Variants in TEX14 observed in about 807,000 individuals in gnomAD.
TEX14 encodes testis expressed 14, intercellular bridge forming factor.
Under a neutral mutation model 178.6 loss-of-function variants are expected in TEX14, and 168 were observed. The observed-to-expected ratio is 0.94, with a 90% CI of 0.83 to 1.07. TEX14 has a LOEUF of 1.07. Ranked by LOEUF, TEX14 falls within the 50% of genes least tolerant of loss-of-function variation. The pLI is 0.00. For missense variants in TEX14, 1,730 were observed against 1,753.6 expected, an observed-to-expected ratio of 0.99 and a Z score of 0.24; for synonymous variants, 626 against 634.1, an observed-to-expected ratio of 0.99 and a Z score of 0.19.
intron 8 of TEX14, 92 bp from the exon 9 acceptor site, chr17:58,613,636 T>G: frequency 1.5e-6 from 2 of 1,302,944 alleles, no homozygotes; most frequent in Non-Finnish European, 2.2e-6. Flanking sequence ...TCTAAACAAA[T>G]ACCATTTGTA....
At position 58,579,691 on chromosome 17, in the gene TEX14, C is replaced by G. The variant is rs1169092764; in HGVS notation, c.3212G>C (p.Gly1071Ala). 1.9e-6 allele frequency: 3 copies of G among 1,613,826 alleles called. No homozygotes were observed. Among genetic ancestry groups the G allele is most frequent in the Non-Finnish European group, 2.5e-6 (3 of 1,179,958 alleles). The change falls in exon 20 of 32, where the codon GGT (glycine) becomes GCT (alanine). Residue 1071 changes from glycine to alanine, a missense_variant. This residue lies in a region of TEX14 where 941 missense variants were observed against 1,072.4 expected (regional missense o/e 0.88). Coordinates refer to ENST00000349033, the MANE Select transcript of TEX14 (RefSeq NM_031272.5). ...PIEEDFEGIQ[G>A]AFAQPQVSGE... ...AGAGACTTGAGGTTGGGCAAATGCA[C>G]CTTGTATTCCTTCAAAGTCCTCTTC...
chr17:58,581,785 C>G, intron 19 of TEX14: 1 of 1,587,836 alleles, frequency 6.3e-7, no homozygotes, highest in Non-Finnish European at 8.5e-7. Context: ...AACGAAATCC[C>G]TTTATAGTTG....
intron 10 of TEX14, among the ~76,000 whole-genome samples, chr17:58,610,508 A>G (rs1172215440): frequency 6.6e-6 from 1 of 152,204 alleles, no homozygotes; most frequent in East Asian, 1.9e-4. Context: ...GAAGCTACAG[A>G]TTGGAGTGAC....
At chr17:58,666,230 C>T (rs1356527408) in intron 1 of TEX14, among the ~76,000 whole-genome samples, 1 of 151,694 alleles carries the variant, frequency 6.6e-6, no homozygotes, top group Non-Finnish European at 1.5e-5. Flanking sequence ...GTAATGTAAT[C>T]CCAGTTTCTA....
intron 2 of TEX14, among the ~76,000 whole-genome samples, chr17:58,638,704 A>G (rs2046497533): frequency 6.6e-6 from 1 of 151,468 alleles, no homozygotes; most frequent in Non-Finnish European, 1.5e-5. Flanking sequence ...ACGCCTGCCT[A>G]ATTTTTTGTA....
At chr17:58,615,149 T>A in intron 8 of TEX14, 83 bp downstream of exon 8, 2 of 738,104 alleles carry the variant, frequency 2.7e-6, no homozygotes, top group Non-Finnish European at 4.7e-6. Context: ...GAGCTCCCTA[T>A]CCCAGGCACA....
At chr17:58,603,593 G>A (rs1019166698) in intron 11 of TEX14, among the ~76,000 whole-genome samples, 35 of 144,496 alleles carry the variant, frequency 2.4e-4, no homozygotes, top group Non-Finnish European at 3.6e-4. Flanking sequence ...GTTGGCTCAC[G>A]CCTGTAATCC....
intron 1 of TEX14, chr17:58,661,505 G>A: frequency 1.3e-6 from 1 of 780,786 alleles, no homozygotes; most frequent in East Asian, 2.4e-5. Context: ...GGTGGGTTCA[G>A]TCGCTCCTTC....
chr17:58,602,443 A>G lies in TEX14; in HGVS notation c.1484T>C (p.Met495Thr). The G allele has an allele frequency of 6.2e-7, 1 of 1,614,104 alleles. No homozygotes were observed. The highest frequency in any genetic ancestry group is 1.1e-5 in the South Asian group (1 of 91,072). Residue 495 changes from methionine to threonine, a missense_variant, in exon 12 of 32, where the codon ATG becomes ACG. Physicochemically the swap from Met to Thr is moderately conservative, Grantham distance 81 (BLOSUM62 -1). Coordinates refer to ENST00000349033, the MANE Select transcript of TEX14 (RefSeq NM_031272.5). ...AATATACCGGATATCTTGAAGGTTCATAGTTCGGTCTTTCTGCTTGACGTG... is the reference window on the plus strand; with the variant it reads ...AATATACCGGATATCTTGAAGGTTCGTAGTTCGGTCTTTCTGCTTGACGTG... ...GIHVKQKDRT[M>T]NLQDIRYILK... is the part of the protein sequence containing the mutation.
chr17:58,658,387 CTTTTT>C (rs34857563), intron 1 of TEX14, among the ~76,000 whole-genome samples: 41 of 95,028 alleles, frequency 4.3e-4, no homozygotes, highest in East Asian at 1.6e-3. Context: ...TGTGCACCGG[CTTTTT>C]TTTTTTTTTT....
chr17:58,677,967 T>C lies in TEX14; in HGVS notation c.-2+13972A>G, dbSNP rs183394741. Reference sequence around the variant, plus strand: ...GAGTTCAAGACCAGCCTGGCCAACATGGTGAAACCCCATCTCTACTAAAAA... The same window carrying C: ...GAGTTCAAGACCAGCCTGGCCAACACGGTGAAACCCCATCTCTACTAAAAA... On this transcript the variant is annotated intron_variant, in intron 1 of 31. Coordinates refer to ENST00000349033, the MANE Select transcript of TEX14 (RefSeq NM_031272.5). 6.5e-4 allele frequency among the ~76,000 whole-genome samples: 99 copies of C among 152,286 alleles called. 1 individual carries two copies. The highest frequency in any genetic ancestry group is 2.3e-3 in the African/African-American group (94 of 41,582).
chr17:58,648,947 G>T (rs550649287), intron 2 of TEX14, among the ~76,000 whole-genome samples: 1 of 150,972 alleles, frequency 6.6e-6, no homozygotes, highest in Non-Finnish European at 1.5e-5. Context: ...CCGCCACTGC[G>T]CCCAGCTAAA....
rs895410853 is a variant in TEX14, at chr17:58,621,280, A to T, written c.554+370T>A. ...TTTGTGGTCTTTTGCAACCTTAGTA[A>T]TAAAGGAACACTCTTTCTGTGGTTC... On this transcript the variant is annotated intron_variant, in intron 5 of 31. Coordinates refer to ENST00000349033, the MANE Select transcript of TEX14 (RefSeq NM_031272.5). Among the ~76,000 whole-genome samples, 24 of 152,148 alleles carry T rather than the reference A, an allele frequency of 1.6e-4. 1 individual carries two copies. The highest frequency in any genetic ancestry group is 1.2e-3 in the South Asian group (6 of 4,824).
chr17:58,600,902 G>A (rs2045418258), intron 13 of TEX14, among the ~76,000 whole-genome samples: 1 of 152,142 alleles, frequency 6.6e-6, no homozygotes, highest in Non-Finnish European at 1.5e-5. Flanking sequence ...TAAGCCTGAT[G>A]ACTGCAAGGT....
intron 1 of TEX14, among the ~76,000 whole-genome samples, chr17:58,671,703 T>C (rs563159247): frequency 3.3e-5 from 5 of 152,314 alleles, no homozygotes; most frequent in Admixed American, 2.6e-4. Flanking sequence ...TCTCTGTGGA[T>C]TTCTCTTTTT....
At position 58,569,310 on chromosome 17, in the gene TEX14, C is replaced by A; in HGVS notation, c.3818-50G>T. ...GAAAATGTCTTAACACCCTCCTGGACCTGAACTGAATTTTTCTCGGCTCTC... is the reference window on the plus strand; with the variant it reads ...GAAAATGTCTTAACACCCTCCTGGAACTGAACTGAATTTTTCTCGGCTCTC... On this transcript the variant is annotated intron_variant, in intron 25 of 31. Coordinates refer to ENST00000349033, the MANE Select transcript of TEX14 (RefSeq NM_031272.5). The surrounding 1 kb of genome is among the most constrained non-coding windows in gnomAD (Gnocchi z 4.1). 6.7e-7 allele frequency: 1 copy of A among 1,482,176 alleles called. No individual in the cohort carries two copies. Among genetic ancestry groups the A allele is most frequent in the Non-Finnish European group, 9.4e-7 (1 of 1,064,026 alleles). The allele number at this position is 1,482,176 out of a possible 1,614,324, so 91.8% of individuals were successfully genotyped here.
At chr17:58,570,004 A>C (rs978356119) in intron 25 of TEX14, among the ~76,000 whole-genome samples, 1 of 152,154 alleles carries the variant, frequency 6.6e-6, no homozygotes, top group Non-Finnish European at 1.5e-5. Flanking sequence ...CAACATGTAG[A>C]ATGGACTATA....
chr17:58,623,101 T>C (rs965103534), intron 3 of TEX14, 89 bp from the exon 4 acceptor site: 4 of 1,216,128 alleles, frequency 3.3e-6, no homozygotes, highest in Non-Finnish European at 4.6e-6. Flanking sequence ...AGGGCTCCCA[T>C]TCTACAAGGC....
chr17:58,664,189 T>C (rs1344825255), intron 1 of TEX14, among the ~76,000 whole-genome samples: 1 of 152,238 alleles, frequency 6.6e-6, no homozygotes. Context: ...TTGAACTACC[T>C]TCCTAATTTT....
Sources: gnomAD v4.1 joint callset for allele counts (sites outside exome capture counted in the v4.1 genomes callset) on GRCh38, gnomAD v4.1.1 for gene constraint, gnomAD v4.1.1 regional missense constraint, Gnocchi (gnomAD v3.1) non-coding constraint, MANE v1.5 for transcripts, NCBI Gene and HGNC (gene_info 2026-07-23, HGNC 2026-07-21) for gene names.